CAMK1D: variants seen among roughly 807,000 people sequenced by gnomAD.
The protein encoded by CAMK1D is calcium/calmodulin-dependent protein kinase type 1D.
CAMK1D carries 9 observed loss-of-function variants against 47.7 expected under a neutral mutation model. That is an observed-to-expected ratio of 0.19 (90% CI 0.11 to 0.33). The LOEUF (loss-of-function observed/expected upper bound fraction) is 0.33, where lower values mean the gene tolerates loss of function less well. CAMK1D is among the 10% of genes least tolerant of loss of function. The probability of loss-of-function intolerance (pLI) is 1.00; values close to 1 mark genes in which losing one functional copy is unlikely to be tolerated. For synonymous variants in CAMK1D, 184 were observed against 184.9 expected, an observed-to-expected ratio of 0.99 and a Z score of 0.04; for missense variants, 291 against 488.7, an observed-to-expected ratio of 0.60 and a Z score of 3.81.
intron 3 of CAMK1D, among the ~76,000 whole-genome samples, chr10:12,699,594 T>G (rs554052421): frequency 6.6e-6 from 1 of 152,118 alleles, no homozygotes; most frequent in East Asian, 1.9e-4. Context: ...GTCTGTGGTG[T>G]TGGTTGTTGC....
chr10:12,445,169 C>T (rs528033398), intron 1 of CAMK1D, among the ~76,000 whole-genome samples: 7 of 152,178 alleles, frequency 4.6e-5, no homozygotes, highest in Non-Finnish European at 7.3e-5. Flanking sequence ...GCCGGCCAGT[C>T]GTGCCCGAAT....
rs910066372 is a variant in CAMK1D, at chr10:12,435,221, C to CAA, written c.92+85335_92+85336dup. 8.9e-3 allele frequency among the ~76,000 whole-genome samples: 389 copies of CAA among 43,560 alleles called. 6 individuals are homozygous for CAA. The highest frequency in any genetic ancestry group is 0.02 in the African/African-American group (203 of 10,398). 28.6% of individuals were successfully genotyped at this position (43,560 alleles called of 152,430 possible). On this transcript the variant is annotated intron_variant, in intron 1 of 10. Coordinates refer to ENST00000619168, the MANE Select transcript of CAMK1D (RefSeq NM_153498.4). ...ATGGGCGAGGAGTGAAACTCTGTCT[C>CAA]AAAAAAAAAAAAAAAAAAAAAAAAA...
At chr10:12,740,712 C>T (rs1256814983) in intron 3 of CAMK1D, among the ~76,000 whole-genome samples, 1 of 152,180 alleles carries the variant, frequency 6.6e-6, no homozygotes, top group Non-Finnish European at 1.5e-5. Flanking sequence ...TGAGCCGAGG[C>T]AGTTCAAGAT....
In CAMK1D at chr10:12,722,159, C is replaced by A. The variant is rs762958259; in HGVS notation, c.300-38789C>A. On this transcript the variant is annotated intron_variant, in intron 3 of 10. Transcript: ENST00000619168. ...GTCCATGGTAGACTTTAAGATAACTCCAGGCTGGGCGCGGTGGCTCACGCC... is the reference window on the plus strand; with the variant it reads ...GTCCATGGTAGACTTTAAGATAACTACAGGCTGGGCGCGGTGGCTCACGCC... Among the ~76,000 whole-genome samples, 95 of 152,134 alleles carry A rather than the reference C, an allele frequency of 6.2e-4. 2 individuals carry two copies. Among genetic ancestry groups the A allele is most frequent in the Non-Finnish European group, 5.1e-4 (35 of 67,984 alleles).
intron 3 of CAMK1D, among the ~76,000 whole-genome samples, chr10:12,733,339 T>A (rs1834980005): frequency 6.6e-6 from 1 of 152,132 alleles, no homozygotes; most frequent in African/African-American, 2.4e-5. Flanking sequence ...ATAGTAATAT[T>A]TTAAGAGAAA....
chr10:12,757,760 G>T (rs972575898), intron 3 of CAMK1D, among the ~76,000 whole-genome samples: 1 of 152,088 alleles, frequency 6.6e-6, no homozygotes, highest in Admixed American at 6.5e-5. Context: ...CTTGGAGGCA[G>T]CTGCCTTCTC....
intron 1 of CAMK1D, among the ~76,000 whole-genome samples, chr10:12,407,285 TG>T (rs1395497157): frequency 6.6e-6 from 1 of 152,256 alleles, no homozygotes; most frequent in Non-Finnish European, 1.5e-5. Flanking sequence ...CATGGGATCC[TG>T]TCACCCAGCC....
intron 2 of CAMK1D, among the ~76,000 whole-genome samples, chr10:12,560,939 A>G (rs1236469616): frequency 6.8e-6 from 1 of 148,014 alleles, no homozygotes; most frequent in African/African-American, 2.5e-5. Flanking sequence ...TTTGAGATGG[A>G]GTCTCGCTCT....
intron 3 of CAMK1D, among the ~76,000 whole-genome samples, chr10:12,719,537 G>A (rs1356446884): frequency 3.9e-5 from 6 of 152,358 alleles, no homozygotes; most frequent in African/African-American, 1.4e-4. Flanking sequence ...CCTGTGGGCA[G>A]GGGTGAGGCA....
intron 3 of CAMK1D, among the ~76,000 whole-genome samples, chr10:12,668,908 G>A (rs151132785): frequency 2.0e-5 from 3 of 151,208 alleles, no homozygotes; most frequent in Admixed American, 6.6e-5. Flanking sequence ...TTTCTTTTGT[G>A]TTAAGAAAAA....
chr10:12,413,249 G>A (rs1839725890), intron 1 of CAMK1D, among the ~76,000 whole-genome samples: 2 of 152,162 alleles, frequency 1.3e-5, no homozygotes, highest in Non-Finnish European at 1.5e-5. Flanking sequence ...GCAGGAGCAA[G>A]TGAGAGCGAG....
chr10:12,589,112 C>G (rs1448257953), intron 2 of CAMK1D, among the ~76,000 whole-genome samples: 3 of 152,134 alleles, frequency 2.0e-5, no homozygotes, highest in African/African-American at 7.2e-5. Context: ...AGCCATCCTC[C>G]TGTCTCCCAG....
chr10:12,553,351 G>C lies in CAMK1D; in HGVS notation c.219G>C (p.Leu73=), dbSNP rs56079552. The C allele has an allele frequency of 2.5e-6, 4 of 1,610,716 alleles. No individual in the cohort carries two copies. The East Asian group carries it at 8.9e-5, about 36-fold the overall frequency. ...GCATAGAGAATGAGATAGCCGTCCT[G>C]AGAAAGTAAGTGCTGGAGGGCAACC... is the stretch of plus-strand genomic sequence containing the variant. ...ESSIENEIAV[L]RKIKHENIVA... The change falls in exon 2 of 11, where the codon CTG becomes CTC. Residue 73 remains leucine (L), a synonymous_variant. Transcript: ENST00000619168.
intron 2 of CAMK1D, among the ~76,000 whole-genome samples, chr10:12,599,757 A>G (rs1838247846): frequency 2.0e-5 from 3 of 152,148 alleles, no homozygotes; most frequent in African/African-American, 7.2e-5. Context: ...CAACTTTTCC[A>G]CACGGGCCCC....
rs370448257 is a variant in CAMK1D at position 12,774,888 on chromosome 10, T to A, written c.565+5089T>A. Among the ~76,000 whole-genome samples, 80 of 152,380 alleles carry A rather than the reference T, an allele frequency of 5.3e-4. No homozygotes were observed. The South Asian group carries it at 0.017, about 32-fold the overall frequency. On this transcript the variant is annotated intron_variant, in intron 5 of 10. Transcript: ENST00000619168. ...TCCTGAAACCATCCCCAATACCGTA[T>A]CCTTGAAACAATTGTCTTCCGTGAA...
intron 2 of CAMK1D, among the ~76,000 whole-genome samples, chr10:12,604,486 G>A (rs546797016): frequency 1.3e-5 from 2 of 152,294 alleles, no homozygotes; most frequent in Non-Finnish European, 2.9e-5. Context: ...CACCCGAGAC[G>A]CCATCAGGGT....
At chr10:12,501,021 A>C (rs1275439758) in intron 1 of CAMK1D, among the ~76,000 whole-genome samples, 1 of 152,190 alleles carries the variant, frequency 6.6e-6, no homozygotes, top group Non-Finnish European at 1.5e-5. Flanking sequence ...CTCTGGGCTA[A>C]TCATGGGTAT....
At chr10:12,638,490 C>T (rs752089237) in intron 2 of CAMK1D, among the ~76,000 whole-genome samples, 11 of 151,448 alleles carry the variant, frequency 7.3e-5, no homozygotes, top group East Asian at 1.9e-4. Flanking sequence ...ACTCCGTTCC[C>T]GTCACCCCTC....
At chr10:12,648,113 A>C (rs1839860980) in intron 2 of CAMK1D, among the ~76,000 whole-genome samples, 2 of 152,198 alleles carry the variant, frequency 1.3e-5, no homozygotes, top group South Asian at 4.1e-4. Flanking sequence ...TGCTGTTTTG[A>C]TTTATAACTT....
Sources: allele counts gnomAD v4.1 joint callset (sites outside exome capture counted in the v4.1 genomes callset), GRCh38; gene constraint gnomAD v4.1.1; transcripts MANE v1.5; gene names NCBI Gene and HGNC (gene_info 2026-07-23, HGNC 2026-07-21).